Variants in PRDM11 observed in about 807,000 individuals in gnomAD.
PRDM11 encodes PR/SET domain 11, also known as PR domain-containing protein 11.
PRDM11 carries 20 observed loss-of-function variants against 97.8 expected under a neutral mutation model. The observed-to-expected ratio is 0.20, with a 90% CI of 0.14 to 0.30. The LOEUF (loss-of-function observed/expected upper bound fraction) is 0.30. Ranked by LOEUF, PRDM11 falls within the 10% of genes least tolerant of loss-of-function variation. The probability of loss-of-function intolerance (pLI) is 1.00; values close to 1 mark genes in which losing one functional copy is unlikely to be tolerated. For synonymous variants in PRDM11, 599 were observed against 637.7 expected (o/e 0.94, Z 0.91); for missense variants, 1,139 against 1,555.2 (o/e 0.73, Z 4.50).
chr11:45,104,120 G>A (rs1852023047), intron 1 of PRDM11, among the ~76,000 whole-genome samples: 2 of 152,264 alleles, frequency 1.3e-5, no homozygotes, highest in African/African-American at 4.8e-5. Flanking sequence ...GCAGGGCCCA[G>A]GGCAACAGAG....
At chr11:45,097,570 G>A (rs552673944) in intron 1 of PRDM11, among the ~76,000 whole-genome samples, 120 of 152,288 alleles carry the variant, frequency 7.9e-4, no homozygotes, top group African/African-American at 2.5e-3. Context: ...CTCAAGTGTC[G>A]CTCAGATGCT....
chr11:45,213,779 C>CAA (rs1290046781), intron 5 of PRDM11: 4 of 450,198 alleles, frequency 8.9e-6, no homozygotes, highest in African/African-American at 2.0e-5. Flanking sequence ...CTGTATAAGA[C>CAA]AAATGACACA....
intron 1 of PRDM11, among the ~76,000 whole-genome samples, chr11:45,162,165 T>G (rs567967466): frequency 3.3e-5 from 5 of 152,288 alleles, no homozygotes; most frequent in African/African-American, 1.2e-4. Flanking sequence ...CCCTGGACCC[T>G]CTGGGTACCT....
rs1223530141 is a variant in PRDM11, at chr11:45,226,731, A to C, written c.2106A>C (p.Thr702=). 1 of 1,533,872 alleles carries C rather than the reference A, an allele frequency of 6.5e-7. No homozygotes were observed. Among genetic ancestry groups the C allele is most frequent in the African/African-American group, 1.4e-5 (1 of 72,986 alleles). The change falls in exon 8 of 8, where the codon ACA becomes ACC. Residue 702 remains threonine (T), a synonymous_variant. Coordinates refer to ENST00000683152, the MANE Select transcript of PRDM11 (RefSeq NM_001384648.1). ...LSLQELGFSS[T]ESYLQALDRA... is the part of the protein sequence containing the mutation. The stretch of plus-strand genomic sequence containing the variant: ...TGCAGGAGCTGGGATTCTCTAGCAC[A>C]GAAAGCTATCTCCAGGCACTTGACC...
At chr11:45,142,551 G>T (rs1851428267), upstream of PRDM11, among the ~76,000 whole-genome samples, 1 of 152,154 alleles carries the variant, frequency 6.6e-6, no homozygotes, top group Admixed American at 6.5e-5. Flanking sequence ...TCAACAGGAG[G>T]GACTAATGGG....
At chr11:45,121,477 C>A (rs1852428385) in intron 1 of PRDM11, among the ~76,000 whole-genome samples, 1 of 151,976 alleles carries the variant, frequency 6.6e-6, no homozygotes, top group African/African-American at 2.4e-5. Flanking sequence ...AAGAAATGGG[C>A]AAATTCAAAA....
chr11:45,141,210 T>G (rs1851398213), intron 1 of PRDM11, among the ~76,000 whole-genome samples: 1 of 152,198 alleles, frequency 6.6e-6, no homozygotes, highest in Admixed American at 6.5e-5. Context: ...GTCTTGGTTT[T>G]AATGTTGCAA....
chr11:45,220,628 A>T (rs1390626634), intron 6 of PRDM11, among the ~76,000 whole-genome samples: 7 of 152,176 alleles, frequency 4.6e-5, no homozygotes, highest in Non-Finnish European at 8.8e-5. Context: ...CTGCAATGTT[A>T]CCTGATGTCC....
chr11:45,145,051 TAC>T (rs1373897247), upstream of PRDM11, among the ~76,000 whole-genome samples: 5 of 152,126 alleles, frequency 3.3e-5, no homozygotes, highest in Non-Finnish European at 5.9e-5. Context: ...TCAGGAAACT[TAC>T]AGTTGCATTG....
upstream of PRDM11, among the ~76,000 whole-genome samples, chr11:45,144,833 C>T (rs937985416): frequency 6.6e-6 from 1 of 152,220 alleles, no homozygotes; most frequent in Non-Finnish European, 1.5e-5. Context: ...GCTCTTTTCT[C>T]GGCCGGGCAC....
At chr11:45,152,186 G>GC (rs1851675277) in intron 1 of PRDM11, among the ~76,000 whole-genome samples, 1 of 152,130 alleles carries the variant, frequency 6.6e-6, no homozygotes, top group Non-Finnish European at 1.5e-5. Context: ...TCCTGCCTCA[G>GC]CCCCCGAGTA....
At chr11:45,153,182 C>T (rs1014662828) in intron 1 of PRDM11, among the ~76,000 whole-genome samples, 1 of 152,218 alleles carries the variant, frequency 6.6e-6, no homozygotes, top group Non-Finnish European at 1.5e-5. Flanking sequence ...CTGACTTCTG[C>T]TTCTGAGTAG....
At chr11:45,180,869 G>A (rs1269004452) in intron 1 of PRDM11, among the ~76,000 whole-genome samples, 9 of 151,592 alleles carry the variant, frequency 5.9e-5, no homozygotes, top group South Asian at 2.1e-4. Context: ...GCGCGCCCCC[G>A]GCCCTGCTGG....
At chr11:45,202,959 T>C (rs1215466218) in intron 4 of PRDM11, among the ~76,000 whole-genome samples, 1 of 152,006 alleles carries the variant, frequency 6.6e-6, no homozygotes, top group Non-Finnish European at 1.5e-5. Flanking sequence ...AGGCCCAGGG[T>C]AAGTTCGGGG....
intron 1 of PRDM11, among the ~76,000 whole-genome samples, chr11:45,136,327 T>A (rs1243115142): frequency 2.6e-5 from 4 of 152,222 alleles, no homozygotes; most frequent in Admixed American, 2.6e-4. Flanking sequence ...AATTAATGTG[T>A]GCCTAGTAAG....
At chr11:45,096,765 G>C (rs1851891653) in intron 1 of PRDM11, among the ~76,000 whole-genome samples, 1 of 152,196 alleles carries the variant, frequency 6.6e-6, no homozygotes, top group Non-Finnish European at 1.5e-5. Context: ...GAGGCACTGG[G>C]TAGCGTGAAC....
chr11:45,203,515 C>G (rs1853402607), intron 4 of PRDM11, among the ~76,000 whole-genome samples: 1 of 150,462 alleles, frequency 6.6e-6, no homozygotes, highest in Admixed American at 6.6e-5. Flanking sequence ...AATTAGTGGA[C>G]TGGAAGAGAG....
At chr11:45,095,824 C>A (rs1183372593) in exon 1 of PRDM11, 2 of 772,514 alleles carry the variant, frequency 2.6e-6, no homozygotes, top group East Asian at 2.4e-5. Context: ...GATGGCAGAG[C>A]CAATTGCATC....
At chr11:45,103,171 C>T (rs566714124) in intron 1 of PRDM11, among the ~76,000 whole-genome samples, 1 of 152,186 alleles carries the variant, frequency 6.6e-6, no homozygotes, top group Non-Finnish European at 1.5e-5. Context: ...TCAGGATGGT[C>T]ACCAGCAGCT....
Sources: allele counts gnomAD v4.1 joint callset (sites outside exome capture counted in the v4.1 genomes callset), GRCh38; gene constraint gnomAD v4.1.1; transcripts MANE v1.5; gene names NCBI Gene and HGNC (gene_info 2026-07-23, HGNC 2026-07-21).